The following IRX1 variants were observed in gnomAD, a reference collection of about 807,000 sequenced individuals.
IRX1 encodes the protein iroquois homeobox 1.
IRX1 carries 22 observed loss-of-function variants against 34.1 expected under a neutral mutation model. That is an observed-to-expected ratio of 0.64 (90% confidence interval 0.46 to 0.92). The LOEUF is 0.92. IRX1 is among the 40% of genes least tolerant of loss of function. The pLI is 0.00. For missense variants in IRX1, 758 were observed against 680.0 expected, an observed-to-expected ratio of 1.11 and a Z score of -1.28; for synonymous variants, 363 against 319.0, an observed-to-expected ratio of 1.14 and a Z score of -1.47.
At chr5:3,596,498 A>C in intron 1 of IRX1, 117 bp downstream of exon 1, 9 of 1,064,494 alleles carry the variant, frequency 8.5e-6, no homozygotes, top group South Asian at 2.9e-5. Context: ...AGGAACTAGA[A>C]AGGTCCGGGG....
chr5:3,599,159 T>C lies in IRX1; in HGVS notation c.277-66T>C. On this transcript the variant is annotated intron_variant, in intron 1 of 3. Coordinates refer to ENST00000302006, the MANE Select transcript of IRX1 (RefSeq NM_024337.4). This position sits in a 1 kb window ranked among gnomAD's most constrained non-coding sequence, Gnocchi z 6.6. ...CGTCTTGGGGACTCATGTCTCTCTC[T>C]CTCTCTCCCTTTCTCTCTCCACTTC... 6.7e-7 allele frequency: 1 copy of C among 1,488,596 alleles called. No individual in the cohort carries two copies. Among genetic ancestry groups the C allele is most frequent in the South Asian group, 1.3e-5 (1 of 78,846 alleles). 92.2% of individuals were successfully genotyped at this position (1,488,596 alleles called of 1,614,324 possible).
At position 3,600,945 on chromosome 5, in the gene IRX1, T is replaced by C. The variant is rs200536449; in HGVS notation, c.1386-38T>C. The C allele has an allele frequency of 3.7e-4, 591 of 1,602,990 alleles. 1 individual carries two copies. The highest frequency in any genetic ancestry group is 4.5e-4 in the Non-Finnish European group (529 of 1,170,392). ...CCGGCGCTGCGTCCCCCACTCACAG[T>C]GCCCCTGTCTTCTTGTCTCGCTGTG... On this transcript the variant is annotated intron_variant, in intron 3 of 3. Transcript: ENST00000302006.
Position 3,599,189 on chromosome 5 carries a change from C to A in IRX1, c.277-36C>A. 6.3e-7 allele frequency: 1 copy of A among 1,579,528 alleles called. No individual in the cohort carries two copies. Among genetic ancestry groups the A allele is most frequent in the Non-Finnish European group, 8.6e-7 (1 of 1,156,912 alleles). ...CTCCCTTTCTCTCTCCACTTCCCTC[C>A]TCTCTCTCCTCGATGGATCTGCCCT... On this transcript the variant is annotated intron_variant, in intron 1 of 3. Coordinates refer to ENST00000302006, the MANE Select transcript of IRX1 (RefSeq NM_024337.4). The surrounding 1 kb of genome is among the most constrained non-coding windows in gnomAD (Gnocchi z 6.6).
At chr5:3,600,802 C>T (rs977994965) in intron 3 of IRX1, 121 bp downstream of exon 3, 5 of 1,143,618 alleles carry the variant, frequency 4.4e-6, no homozygotes, top group African/African-American at 3.1e-5. Flanking sequence ...GTTGAAGGAG[C>T]GCTCCCCGCC....
intron 3 of IRX1, 71 bp downstream of exon 3, chr5:3,600,752 G>A: frequency 6.9e-7 from 1 of 1,446,402 alleles, no homozygotes; most frequent in Non-Finnish European, 9.7e-7. Flanking sequence ...CGGGACCCGG[G>A]CGGAGCTGGC....
chr5:3,599,181 C>T lies in IRX1; in HGVS notation c.277-44C>T. On this transcript the variant is annotated intron_variant, in intron 1 of 3. Transcript: ENST00000302006. This position sits in a 1 kb window ranked among gnomAD's most constrained non-coding sequence, Gnocchi z 6.6. Reference sequence around the variant, plus strand: ...CTCTCTCTCTCCCTTTCTCTCTCCACTTCCCTCCTCTCTCTCCTCGATGGA... The same window carrying T: ...CTCTCTCTCTCCCTTTCTCTCTCCATTTCCCTCCTCTCTCTCCTCGATGGA... 1.3e-6 allele frequency: 2 copies of T among 1,556,316 alleles called. No homozygotes were observed. The highest frequency in any genetic ancestry group is 1.8e-6 in the Non-Finnish European group (2 of 1,140,576).
chr5:3,599,457 C>T lies in IRX1; in HGVS notation c.509C>T (p.Thr170Ile). 1 of 1,614,050 alleles carries T rather than the reference C, an allele frequency of 6.2e-7. No homozygotes were observed. Reference sequence around the variant, plus strand: ...ATGCTGGCCATCATCACCAAGATGACCCTCACGCAGGTCTCCACCTGGTTC... The same window carrying T: ...ATGCTGGCCATCATCACCAAGATGATCCTCACGCAGGTCTCCACCTGGTTC... ...KIMLAIITKM[T>I]LTQVSTWFAN... Residue 170 changes from threonine (T) to isoleucine (I), a missense_variant, in exon 2 of 4, where the codon ACC becomes ATC. By Grantham distance (89) the Thr-to-Ile change is moderately conservative. Coordinates refer to ENST00000302006, the MANE Select transcript of IRX1 (RefSeq NM_024337.4). The surrounding 1 kb of genome is among the most constrained non-coding windows in gnomAD (Gnocchi z 6.6).
At chr5:3,600,462 G>A (rs1733933587) in intron 2 of IRX1, 147 bp from the exon 3 acceptor site, 1 of 889,394 alleles carries the variant, frequency 1.1e-6, no homozygotes, top group Non-Finnish European at 1.7e-6. Context: ...CCCTACCGGC[G>A]GGCCTGCTAC....
In IRX1 at chr5:3,600,667, G is replaced by A; in HGVS notation, c.1371G>A (p.Gln457=). 1.9e-6 allele frequency: 3 copies of A among 1,613,876 alleles called. No homozygotes were observed. Among genetic ancestry groups the A allele is most frequent in the South Asian group, 1.1e-5 (1 of 91,084 alleles). The change falls in exon 3 of 4, where the codon CAG becomes CAA. Residue 457 remains glutamine, a synonymous_variant. Coordinates refer to ENST00000302006, the MANE Select transcript of IRX1 (RefSeq NM_024337.4). ...SPAQQLKSPF[Q]PVRDNSLAPQ... is the part of the protein sequence containing the mutation. ...CACAGCAGTTAAAGTCGCCCTTCCAGCCGGTACGCGACAAGTGAGTGCTGT... is the reference window on the plus strand; with the variant it reads ...CACAGCAGTTAAAGTCGCCCTTCCAACCGGTACGCGACAAGTGAGTGCTGT...
chr5:3,599,602 GGAC>G lies in IRX1; in HGVS notation c.660_662del (p.Asp220del), dbSNP rs1466033459. 1 of 1,614,066 alleles carries G rather than the reference GGAC, an allele frequency of 6.2e-7. No individual in the cohort carries two copies. ...CCGAGGGCGACCCGGAGAAGGCCGAGGACGACGAGGAGATCGACCTGGAAAGCA... is the reference window on the plus strand; with the variant it reads ...CCGAGGGCGACCCGGAGAAGGCCGAGGACGAGGAGATCGACCTGGAAAGCA... On this transcript the variant is annotated inframe_deletion, in exon 2 of 4. Transcript: ENST00000302006. This position sits in a 1 kb window ranked among gnomAD's most constrained non-coding sequence, Gnocchi z 6.6.
intron 1 of IRX1, among the ~76,000 whole-genome samples, chr5:3,597,451 C>T (rs72725053): frequency 0.093 from 14,108 of 152,262 alleles, 954 homozygotes; most frequent in Admixed American, 0.17. Flanking sequence ...GGAGTAAACG[C>T]CCCTCAAGTG....
chr5:3,599,615 A>G lies in IRX1; in HGVS notation c.667A>G (p.Ile223Val). The change falls in exon 2 of 4, where the codon ATC becomes GTC. Residue 223 changes from isoleucine to valine, a missense_variant. This residue lies in a region of IRX1 where 529 missense variants were observed against 418.8 expected (regional missense o/e 1.26). Coordinates refer to ENST00000302006, the MANE Select transcript of IRX1 (RefSeq NM_024337.4). The surrounding 1 kb of genome is among the most constrained non-coding windows in gnomAD (Gnocchi z 6.6). ...DPEKAEDDEEIDLESIDIDKI... is the reference protein window; with the variant it reads ...DPEKAEDDEEVDLESIDIDKI... ...GGAGAAGGCCGAGGACGACGAGGAGATCGACCTGGAAAGCATCGACATTGA... is the reference window on the plus strand; with the variant it reads ...GGAGAAGGCCGAGGACGACGAGGAGGTCGACCTGGAAAGCATCGACATTGA... 2 of 1,613,864 alleles carry G rather than the reference A, an allele frequency of 1.2e-6. No homozygotes were observed. The highest frequency in any genetic ancestry group is 1.7e-6 in the Non-Finnish European group (2 of 1,179,978).
At position 3,599,890 on chromosome 5, in the gene IRX1, C is replaced by A. The variant is rs1240414347; in HGVS notation, c.942C>A (p.Pro314=). 8 of 1,488,886 alleles carry A rather than the reference C, an allele frequency of 5.4e-6. No individual in the cohort carries two copies. Among genetic ancestry groups the A allele is most frequent in the South Asian group, 1.3e-5 (1 of 74,816 alleles). 92.2% of individuals were successfully genotyped at this position (1,488,886 alleles called of 1,614,324 possible). A position where few individuals can be genotyped will look rare whatever the true frequency, so the allele number is the denominator to read the frequency against. Residue 314 remains proline (P), a synonymous_variant, in exon 2 of 4, where the codon CCC becomes CCA. Transcript: ENST00000302006. The surrounding 1 kb of genome is among the most constrained non-coding windows in gnomAD (Gnocchi z 6.6). ...GGLQGAPHGK[P]KIWSLAETAT... ...TGCAGGGTGCGCCGCACGGCAAGCC[C>A]AAGATCTGGTCGCTGGCGGAGACAG... is the stretch of plus-strand genomic sequence containing the variant.
Position 3,600,725 on chromosome 5 carries a change from G to C in IRX1, c.1385+44G>C, listed in dbSNP as rs762201966. On this transcript the variant is annotated intron_variant, in intron 3 of 3. Transcript: ENST00000302006. ...TGCTATGGGAGAAGGCGGTGGGGAG[G>C]GGGGAGGAGGAGTGGTCGGGACCCG... is the stretch of plus-strand genomic sequence containing the variant. The C allele has an allele frequency of 1.2e-4, 194 of 1,556,312 alleles. 1 individual carries two copies. The East Asian group carries it at 2.5e-3, about 20-fold the overall frequency.
At chr5:3,600,447 C>T (rs553057959) in intron 2 of IRX1, among the ~76,000 whole-genome samples, 162 bp from the exon 3 acceptor site, 57 of 152,338 alleles carry the variant, frequency 3.7e-4, no homozygotes, top group African/African-American at 1.3e-3. Context: ...CCCAAGAGAG[C>T]TTTGCCCTAC....
Position 3,599,771 on chromosome 5 carries a change from C to T in IRX1, c.823C>T (p.Leu275Phe), listed in dbSNP as rs1159908618. The change falls in exon 2 of 4, where the codon CTC becomes TTC. Residue 275 changes from leucine (L) to phenylalanine (F), a missense_variant. This residue lies in a region of IRX1 where 529 missense variants were observed against 418.8 expected (regional missense o/e 1.26). Transcript: ENST00000302006. The surrounding 1 kb of genome is among the most constrained non-coding windows in gnomAD (Gnocchi z 6.6). Reference protein sequence around the residue: ...QGSPLAAADVLKPQDSPLGLA... With the variant: ...QGSPLAAADVFKPQDSPLGLA... ...CTCGCCGCTGGCAGCAGCCGACGTT[C>T]TCAAGCCCCAGGACTCGCCCTTGGG... 7 of 1,608,688 alleles carry T rather than the reference C, an allele frequency of 4.4e-6. No homozygotes were observed. Among genetic ancestry groups the T allele is most frequent in the Non-Finnish European group, 5.1e-6 (6 of 1,178,536 alleles).
At chr5:3,600,865 G>T in intron 3 of IRX1, 118 bp from the exon 4 acceptor site, 1 of 1,239,698 alleles carries the variant, frequency 8.1e-7, no homozygotes. Flanking sequence ...CCAGCCGGGA[G>T]CCGCGCTGGC....
chr5:3,599,998 G>A lies in IRX1; in HGVS notation c.1050G>A (p.Ala350=), dbSNP rs1445451035. 13 of 1,521,070 alleles carry A rather than the reference G, an allele frequency of 8.5e-6. No homozygotes were observed. Among genetic ancestry groups the A allele is most frequent in the Admixed American group, 4.1e-5 (2 of 48,528 alleles). The allele number at this position is 1,521,070 out of a possible 1,614,324, so 94.2% of individuals were successfully genotyped here. The change falls in exon 2 of 4, where the codon GCG becomes GCA. Residue 350 remains alanine, a synonymous_variant. Coordinates refer to ENST00000302006, the MANE Select transcript of IRX1 (RefSeq NM_024337.4). The surrounding 1 kb of genome is among the most constrained non-coding windows in gnomAD (Gnocchi z 6.6). ...GCGCGCACGGGCCCTCCGCCGGGGC[G>A]CCGCTGCAACACCCCGCCTTCCTGC... ...HPGAHGPSAG[A]PLQHPAFLPS... is the part of the protein sequence containing the mutation.
At chr5:3,600,811 C>A in intron 3 of IRX1, 130 bp downstream of exon 3, 1 of 1,159,100 alleles carries the variant, frequency 8.6e-7, no homozygotes. Context: ...GCGCTCCCCG[C>A]CAGCCCTGGG....
Sources: gnomAD v4.1 joint callset for allele counts (sites outside exome capture counted in the v4.1 genomes callset) on GRCh38, gnomAD v4.1.1 for gene constraint, gnomAD v4.1.1 regional missense constraint, Gnocchi (gnomAD v3.1) non-coding constraint, MANE v1.5 for transcripts, NCBI Gene and HGNC (gene_info 2026-07-23, HGNC 2026-07-21) for gene names.